Variants in TAS2R38 observed in about 807,000 individuals in gnomAD.
TAS2R38 encodes taste 2 receptor member 38, also known as taste receptor type 2 member 38.
A neutral mutation model predicts 16.4 loss-of-function variants in TAS2R38; 11 were observed. That is an observed-to-expected ratio of 0.67 (90% CI 0.42 to 1.11). The LOEUF (loss-of-function observed/expected upper bound fraction) is 1.11. Among genes scored for constraint, TAS2R38 ranks in the 50% least tolerant of loss-of-function variants. The pLI, the probability that TAS2R38 is intolerant of heterozygous loss-of-function variation, is 0.00. For synonymous variants in TAS2R38, 149 were observed against 155.6 expected, an observed-to-expected ratio of 0.96 and a Z score of 0.32; for missense variants, 364 against 395.8, an observed-to-expected ratio of 0.92 and a Z score of 0.68.
chr7:141,973,462 G>C lies in TAS2R38; in HGVS notation c.228C>G (p.Ile76Met), dbSNP rs1426495690. ...FLHGLLFLSA[I>M]QLTHFQKLSE... Reference sequence around the variant, plus strand: ...TCAACTTCTGGAAGTGGGTAAGCTGGATAGCACTCAGGAACAGCAGTCCAT... The same window carrying C: ...TCAACTTCTGGAAGTGGGTAAGCTGCATAGCACTCAGGAACAGCAGTCCAT... Residue 76 changes from isoleucine to methionine, a missense_variant, in exon 1 of 1, where the codon ATC becomes ATG. By Grantham distance (10) the Ile-to-Met change is conservative. Transcript: ENST00000547270. 5.0e-6 allele frequency: 8 copies of C among 1,614,148 alleles called. No individual in the cohort carries two copies. The highest frequency in any genetic ancestry group is 6.8e-6 in the Non-Finnish European group (8 of 1,180,018).
chr7:141,973,731 G>C lies in TAS2R38; in HGVS notation c.-42C>G, dbSNP rs1469095903. On this transcript the variant is annotated 5_prime_UTR_variant, in exon 1 of 1. Coordinates refer to ENST00000547270, the MANE Select transcript of TAS2R38 (RefSeq NM_176817.5). Reference sequence around the variant, plus strand: ...TTGGCTATTCTACTTCTCTTCTCTAGTTGGCTAATCTAAAGACCTGGTTGC... The same window carrying C: ...TTGGCTATTCTACTTCTCTTCTCTACTTGGCTAATCTAAAGACCTGGTTGC... 2 of 1,581,836 alleles carry C rather than the reference G, an allele frequency of 1.3e-6. No homozygotes were observed. Among genetic ancestry groups the C allele is most frequent in the Non-Finnish European group, 1.7e-6 (2 of 1,163,336 alleles).
rs1554444332 is a variant in TAS2R38 at position 141,972,792 on chromosome 7, C to G, written c.898G>C (p.Gly300Arg). ...ACAGCTCTCCTCAACTTGGCATTGC[C>G]TGAGATCAGGATGGCTGCATGCCCA... ...PSGHAAILIS[G>R]NAKLRRAVMT... is the part of the protein sequence containing the mutation. The change falls in exon 1 of 1, where the codon GGC (glycine) becomes CGC (arginine). Residue 300 changes from glycine to arginine, a missense_variant. Gly to Arg is a moderately radical substitution (Grantham distance 125). Coordinates refer to ENST00000547270, the MANE Select transcript of TAS2R38 (RefSeq NM_176817.5). The G allele has an allele frequency of 6.8e-6, 11 of 1,614,072 alleles. No individual in the cohort carries two copies. The highest frequency in any genetic ancestry group is 8.5e-6 in the Non-Finnish European group (10 of 1,179,966).
Position 141,972,785 on chromosome 7 carries a change from G to A in TAS2R38, c.905C>T (p.Ala302Val). 2 of 1,614,038 alleles carry A rather than the reference G, an allele frequency of 1.2e-6. No homozygotes were observed. The highest frequency in any genetic ancestry group is 2.2e-5 in the South Asian group (2 of 91,074). ...GHAAILISGNAKLRRAVMTIL... is the reference protein window; with the variant it reads ...GHAAILISGNVKLRRAVMTIL... ...GGTCATCACAGCTCTCCTCAACTTG[G>A]CATTGCCTGAGATCAGGATGGCTGC... The change falls in exon 1 of 1, where the codon GCC becomes GTC. Residue 302 changes from alanine (A) to valine (V), a missense_variant. Ala to Val is a moderately conservative substitution (Grantham distance 64). Transcript: ENST00000547270.
In TAS2R38 at chr7:141,973,336, G is replaced by A. The variant is rs1803402154; in HGVS notation, c.354C>T (p.Cys118=). ...TGTGAGAGAAACGGATGAGCTTGGA[G>A]CAGTAAAGCAGGCTGAGGCAGGCAG... ...WLAACLSLLY[C]SKLIRFSHTF... is the part of the protein sequence containing the mutation. The change falls in exon 1 of 1, where the codon TGC becomes TGT. Residue 118 remains cysteine (C), a synonymous_variant. Coordinates refer to ENST00000547270, the MANE Select transcript of TAS2R38 (RefSeq NM_176817.5). 2 of 1,613,904 alleles carry A rather than the reference G, an allele frequency of 1.2e-6. No homozygotes were observed. The highest frequency in any genetic ancestry group is 2.7e-5 in the African/African-American group (2 of 74,882).
chr7:141,972,972 C>T lies in TAS2R38; in HGVS notation c.718G>A (p.Glu240Lys). The change falls in exon 1 of 1, where the codon GAG becomes AAG. Residue 240 changes from glutamate to lysine, a missense_variant. By Grantham distance (56) the Glu-to-Lys change is moderately conservative (BLOSUM62 1). Transcript: ENST00000547270. The part of the protein sequence containing the change: ...YTRNSRDPSL[E>K]AHIKALKSLV... ...GACTTGAGGGCTTTAATGTGGGCCT[C>T]CAGGCTGGGGTCACGAGAGTTTCTG... 1.2e-6 allele frequency: 2 copies of T among 1,614,074 alleles called. No individual in the cohort carries two copies. The highest frequency in any genetic ancestry group is 8.5e-7 in the Non-Finnish European group (1 of 1,180,020).
Position 141,973,379 on chromosome 7 carries a change from T to A in TAS2R38, c.311A>T (p.Gln104Leu), listed in dbSNP as rs1803403168. Residue 104 changes from glutamine to leucine, a missense_variant, in exon 1 of 1, where the codon CAA (glutamine) becomes CTA (leucine). Coordinates refer to ENST00000547270, the MANE Select transcript of TAS2R38 (RefSeq NM_176817.5). ...GCAGGCAGCAAGCCAGAGGTTGGCT[T>A]GGTTTGCAATCATCCATAGCATGAT... ...AIIMLWMIAN[Q>L]ANLWLAACLS... The A allele has an allele frequency of 6.2e-7, 1 of 1,613,868 alleles. No individual in the cohort carries two copies. The highest frequency in any genetic ancestry group is 8.5e-7 in the Non-Finnish European group (1 of 1,179,972).
rs367561205 is a variant in TAS2R38, at chr7:141,972,727, T to C, written c.963A>G (p.Val321=). The C allele has an allele frequency of 4.3e-6, 7 of 1,613,686 alleles. No homozygotes were observed. The highest frequency in any genetic ancestry group is 2.7e-5 in the African/African-American group (2 of 74,926). ...GGGAATCTGCCTTGTGGTCGGCTCT[T>C]ACCTTCAGGCTGCTCTGAGCCCAGA... ...ILLWAQSSLK[V]RADHKADSRT... The change falls in exon 1 of 1, where the codon GTA becomes GTG. Residue 321 remains valine, a synonymous_variant. Coordinates refer to ENST00000547270, the MANE Select transcript of TAS2R38 (RefSeq NM_176817.5).
At position 141,972,932 on chromosome 7, in the gene TAS2R38, A is replaced by T; in HGVS notation, c.758T>A (p.Phe253Tyr). The stretch of plus-strand genomic sequence containing the variant: ...ACAGGATGATATCACAAAGAAGCAG[A>T]AAAAGGAGACAAGAGACTTGAGGGC... ...IKALKSLVSF[F>Y]CFFVISSCAA... The change falls in exon 1 of 1, where the codon TTC becomes TAC. Residue 253 changes from phenylalanine (F) to tyrosine (Y), a missense_variant. Phe to Tyr is a conservative substitution (Grantham distance 22). Coordinates refer to ENST00000547270, the MANE Select transcript of TAS2R38 (RefSeq NM_176817.5). 1 of 1,613,136 alleles carries T rather than the reference A, an allele frequency of 6.2e-7. No individual in the cohort carries two copies. Among genetic ancestry groups the T allele is most frequent in the South Asian group, 1.1e-5 (1 of 91,028 alleles).
In TAS2R38 at chr7:141,972,957, C is replaced by G; in HGVS notation, c.733G>C (p.Ala245Pro). 6.2e-7 allele frequency: 1 copy of G among 1,614,082 alleles called. No homozygotes were observed. Among genetic ancestry groups the G allele is most frequent in the Non-Finnish European group, 8.5e-7 (1 of 1,180,034 alleles). ...RDPSLEAHIK[A>P]LKSLVSFFCF... is the part of the protein sequence containing the mutation. ...AAAAAGGAGACAAGAGACTTGAGGG[C>G]TTTAATGTGGGCCTCCAGGCTGGGG... The change falls in exon 1 of 1, where the codon GCC becomes CCC. Residue 245 changes from alanine to proline, a missense_variant. Transcript: ENST00000547270.
At position 141,973,275 on chromosome 7, in the gene TAS2R38, T is replaced by G. The variant is rs782271481; in HGVS notation, c.415A>C (p.Lys139Gln). The change falls in exon 1 of 1, where the codon AAG (lysine) becomes CAG (glutamine). Residue 139 changes from lysine (K) to glutamine (Q), a missense_variant. Transcript: ENST00000547270. Reference protein sequence around the residue: ...LICLASWVSRKISQMLLGIIL... With the variant: ...LICLASWVSRQISQMLLGIIL... ...ATACCCAGGAGCATCTGGGAGATCT[T>G]CCTGGAGACCCAGCTTGCCAAGCAG... The G allele has an allele frequency of 6.2e-7, 1 of 1,613,732 alleles. No individual in the cohort carries two copies. The highest frequency in any genetic ancestry group is 8.5e-7 in the Non-Finnish European group (1 of 1,179,952).
rs1803400652 is a variant in TAS2R38 at position 141,973,279 on chromosome 7, G to A, written c.411C>T (p.Ser137=). Residue 137 remains serine (S), a synonymous_variant, in exon 1 of 1, where the codon TCC becomes TCT. Coordinates refer to ENST00000547270, the MANE Select transcript of TAS2R38 (RefSeq NM_176817.5). ...TFLICLASWV[S]RKISQMLLGI... is the part of the protein sequence containing the mutation. ...CCAGGAGCATCTGGGAGATCTTCCTGGAGACCCAGCTTGCCAAGCAGATCA... is the reference window on the plus strand; with the variant it reads ...CCAGGAGCATCTGGGAGATCTTCCTAGAGACCCAGCTTGCCAAGCAGATCA... 6.2e-7 allele frequency: 1 copy of A among 1,613,818 alleles called. No individual in the cohort carries two copies. The highest frequency in any genetic ancestry group is 8.5e-7 in the Non-Finnish European group (1 of 1,179,922).
chr7:141,972,926 A>C lies in TAS2R38; in HGVS notation c.764T>G (p.Phe255Cys). Residue 255 changes from phenylalanine to cysteine, a missense_variant, in exon 1 of 1, where the codon TTC becomes TGC. Physicochemically the swap from Phe to Cys is radical, Grantham distance 205. Transcript: ENST00000547270. ...ALKSLVSFFCFFVISSCAAFI... is the reference protein window; with the variant it reads ...ALKSLVSFFCCFVISSCAAFI... ...GGCAGCACAGGATGATATCACAAAG[A>C]AGCAGAAAAAGGAGACAAGAGACTT... 1 of 1,614,090 alleles carries C rather than the reference A, an allele frequency of 6.2e-7. No individual in the cohort carries two copies. Among genetic ancestry groups the C allele is most frequent in the Non-Finnish European group, 8.5e-7 (1 of 1,180,022 alleles).
Position 141,972,761 on chromosome 7 carries a change from G to C in TAS2R38, c.929C>G (p.Thr310Ser). Reference sequence around the variant, plus strand: ...GCTGCTCTGAGCCCAGAGCAGAATGGTCATCACAGCTCTCCTCAACTTGGC... The same window carrying C: ...GCTGCTCTGAGCCCAGAGCAGAATGCTCATCACAGCTCTCCTCAACTTGGC... ...GNAKLRRAVM[T>S]ILLWAQSSLK... Residue 310 changes from threonine (T) to serine (S), a missense_variant, in exon 1 of 1, where the codon ACC becomes AGC. Coordinates refer to ENST00000547270, the MANE Select transcript of TAS2R38 (RefSeq NM_176817.5). 6.2e-7 allele frequency: 1 copy of C among 1,614,134 alleles called. No homozygotes were observed. The highest frequency in any genetic ancestry group is 1.1e-5 in the South Asian group (1 of 91,076).
chr7:141,973,199 C>G lies in TAS2R38; in HGVS notation c.491G>C (p.Ser164Thr). 1 of 1,614,022 alleles carries G rather than the reference C, an allele frequency of 6.2e-7. No individual in the cohort carries two copies. Among genetic ancestry groups the G allele is most frequent in the African/African-American group, 1.3e-5 (1 of 74,996 alleles). ...AGTTGTGACTGTGAAGTGAGGTCTG[C>G]TAAAAAAGCACCAAACACAGAGGAC... ...CTVLCVWCFF[S>T]RPHFTVTTVL... is the part of the protein sequence containing the mutation. Residue 164 changes from serine to threonine, a missense_variant, in exon 1 of 1, where the codon AGC (serine) becomes ACC (threonine). Transcript: ENST00000547270.
chr7:141,973,662 C>G lies in TAS2R38; in HGVS notation c.28G>C (p.Val10Leu), dbSNP rs368901923. The G allele has an allele frequency of 6.2e-7, 1 of 1,613,842 alleles. No homozygotes were observed. Residue 10 changes from valine (V) to leucine (L), a missense_variant, in exon 1 of 1, where the codon GTG becomes CTG. Transcript: ENST00000547270. ...AATGTACTCCTGACTTCATAGGACA[C>G]AGTGCGGATGCGAGTTAGAGTCAAC... MLTLTRIRT[V>L]SYEVRSTFLF...
Position 141,973,142 on chromosome 7 carries a change from T to G in TAS2R38, c.548A>C (p.Asn183Thr). ...TAAATTGAGATCTTTAATCTGCCAG[T>G]TGAGCCTTGTATTGTTATTCATGAA... Reference protein sequence around the residue: ...VLFMNNNTRLNWQIKDLNLFY... With the variant: ...VLFMNNNTRLTWQIKDLNLFY... The change falls in exon 1 of 1, where the codon AAC becomes ACC. Residue 183 changes from asparagine (N) to threonine (T), a missense_variant. Physicochemically the swap from Asn to Thr is moderately conservative, Grantham distance 65. Coordinates refer to ENST00000547270, the MANE Select transcript of TAS2R38 (RefSeq NM_176817.5). 2 of 1,614,056 alleles carry G rather than the reference T, an allele frequency of 1.2e-6. No individual in the cohort carries two copies. The highest frequency in any genetic ancestry group is 1.7e-6 in the Non-Finnish European group (2 of 1,179,998).
At position 141,973,702 on chromosome 7, in the gene TAS2R38, C is replaced by A. The variant is rs782033376; in HGVS notation, c.-13G>T. Reference sequence around the variant, plus strand: ...TTAGAGTCAACATGATGTCACTTCTCTAATTGGCTATTCTACTTCTCTTCT... The same window carrying A: ...TTAGAGTCAACATGATGTCACTTCTATAATTGGCTATTCTACTTCTCTTCT... On this transcript the variant is annotated 5_prime_UTR_variant, in exon 1 of 1. Coordinates refer to ENST00000547270, the MANE Select transcript of TAS2R38 (RefSeq NM_176817.5). The A allele has an allele frequency of 1.2e-6, 2 of 1,604,724 alleles. No individual in the cohort carries two copies. Among genetic ancestry groups the A allele is most frequent in the Admixed American group, 3.4e-5 (2 of 59,358 alleles).
rs1803403587 is a variant in TAS2R38 at position 141,973,396 on chromosome 7, T to C, written c.294A>G (p.Leu98=). 6.2e-7 allele frequency: 1 copy of C among 1,613,920 alleles called. No individual in the cohort carries two copies. Among genetic ancestry groups the C allele is most frequent in the South Asian group, 1.1e-5 (1 of 91,076 alleles). The change falls in exon 1 of 1, where the codon CTA becomes CTG. Residue 98 remains leucine, a synonymous_variant. Transcript: ENST00000547270. ...LNHSYQAIIM[L]WMIANQANLW... Reference sequence around the variant, plus strand: ...GGTTGGCTTGGTTTGCAATCATCCATAGCATGATGATGGCTTGGTAGCTGT... The same window carrying C: ...GGTTGGCTTGGTTTGCAATCATCCACAGCATGATGATGGCTTGGTAGCTGT...
chr7:141,973,548 G>A lies in TAS2R38; in HGVS notation c.142C>T (p.Gln48Ter). ...LVNFWDVVKR[Q>*]ALSNSDCVLL... is the part of the protein sequence containing the mutation. The stretch of plus-strand genomic sequence containing the variant: ...ACACAATCACTGTTGCTCAGTGCCT[G>A]CCTCTTCACTACATCCCAAAAATTC... The change falls in exon 1 of 1, where the codon CAG becomes TAG. Residue 48 changes from glutamine to a stop codon, truncating the protein, a stop_gained. Transcript: ENST00000547270. LOFTEE classifies it high-confidence loss of function. 1.2e-6 allele frequency: 2 copies of A among 1,614,122 alleles called. No homozygotes were observed. The highest frequency in any genetic ancestry group is 1.7e-6 in the Non-Finnish European group (2 of 1,180,018).
Sources: gnomAD v4.1 joint callset for allele counts on GRCh38, gnomAD v4.1.1 for gene constraint, MANE v1.5 for transcripts, NCBI Gene and HGNC (gene_info 2026-07-23, HGNC 2026-07-21) for gene names.